The following CNTLN variants were observed in gnomAD, a reference collection of about 807,000 sequenced individuals.
CNTLN encodes the protein centlein, centrosomal protein.
Under a neutral mutation model 180.0 loss-of-function variants are expected in CNTLN, and 212 were observed. The observed-to-expected ratio is 1.18, with a 90% CI of 1.05 to 1.32. CNTLN has a LOEUF of 1.32. Among genes scored for constraint, CNTLN ranks in the 40% most tolerant of loss-of-function variants. CNTLN has a pLI of 0.00. For missense variants in CNTLN, 2,095 were observed against 1,610.9 expected, an observed-to-expected ratio of 1.30 and a Z score of -5.14; for synonymous variants, 722 against 563.1, an observed-to-expected ratio of 1.28 and a Z score of -3.99.
chr9:17,469,008 G>C (rs765592842), intron 23 of CNTLN, among the ~76,000 whole-genome samples: 55 of 151,406 alleles, frequency 3.6e-4, no homozygotes, highest in Non-Finnish European at 1.6e-4. Flanking sequence ...GGCTGTCTTC[G>C]GTACTCTTTC....
intron 12 of CNTLN, among the ~76,000 whole-genome samples, chr9:17,364,719 C>T (rs1823668602): frequency 6.6e-6 from 1 of 152,088 alleles, no homozygotes; most frequent in Non-Finnish European, 1.5e-5. Context: ...TCTGTGGTGG[C>T]TTTTCTCCCA....
chr9:17,283,613 G>A (rs1828797080), intron 6 of CNTLN, among the ~76,000 whole-genome samples: 1 of 152,038 alleles, frequency 6.6e-6, no homozygotes. Flanking sequence ...GACTGCCCTG[G>A]CCAGAACTTC....
chr9:17,258,993 A>G (rs1274142075), intron 5 of CNTLN, among the ~76,000 whole-genome samples: 1 of 150,690 alleles, frequency 6.6e-6, no homozygotes, highest in Non-Finnish European at 1.5e-5. Context: ...TTGCCTGGCC[A>G]GAACTTCCAA....
intron 2 of CNTLN, among the ~76,000 whole-genome samples, chr9:17,161,894 C>T (rs1819706345): frequency 6.6e-6 from 1 of 151,896 alleles, no homozygotes; most frequent in African/African-American, 2.4e-5. Context: ...TTCCTCCAGT[C>T]CTTTTTTTTT....
At chr9:17,497,496 G>T (rs1833524559) in intron 25 of CNTLN, among the ~76,000 whole-genome samples, 1 of 152,118 alleles carries the variant, frequency 6.6e-6, no homozygotes, top group African/African-American at 2.4e-5. Flanking sequence ...CAACCCCAAG[G>T]ACTTTATAAA....
At chr9:17,241,500 G>C (rs1365003374) in intron 5 of CNTLN, among the ~76,000 whole-genome samples, 1 of 152,054 alleles carries the variant, frequency 6.6e-6, no homozygotes, top group East Asian at 1.9e-4. Context: ...GATTCCTCCA[G>C]TTTTGTTCTT....
At chr9:17,515,962 C>T in the CNTLN span, among the ~76,000 whole-genome samples, 2 of 152,142 alleles carry the variant, frequency 1.3e-5, no homozygotes, top group Admixed American at 6.6e-5. Context: ...CACCAGTTCT[C>T]TATCACACTT....
intron 25 of CNTLN, among the ~76,000 whole-genome samples, chr9:17,497,839 A>G (rs755679033): frequency 2.0e-5 from 3 of 152,200 alleles, no homozygotes; most frequent in Admixed American, 2.0e-4. Context: ...TAACTACAAG[A>G]TAACAGAGTG....
In CNTLN at chr9:17,340,771, CATT is replaced by C. The variant is rs113767552; in HGVS notation, c.1645-53_1645-51del. 4,297 of 1,440,874 alleles carry C rather than the reference CATT, an allele frequency of 3.0e-3. 119 individuals are homozygous for C. In the African/African-American group the frequency reaches 0.056, roughly 19 times the overall value. The allele number at this position is 1,440,874 out of a possible 1,614,324, so 89.3% of individuals were successfully genotyped here. ...TAGATGGGTAACCTTTTATTTGAAA[CATT>C]ATATTAATACTTTCTTCAAACTTAT... On this transcript the variant is annotated intron_variant, in intron 10 of 25. Coordinates refer to ENST00000380647, the MANE Select transcript of CNTLN (RefSeq NM_017738.4).
rs1326040258 is a variant in CNTLN at position 17,503,456 on chromosome 9, T to A, written c.*804T>A. 6.6e-6 allele frequency: 1 copy of A among 152,212 alleles called. No individual in the cohort carries two copies. Among genetic ancestry groups the A allele is most frequent in the Non-Finnish European group, 1.5e-5 (1 of 68,054 alleles). The allele number at this position is 152,212 out of a possible 1,614,324, so 9.4% of individuals were successfully genotyped here. A position where few individuals can be genotyped will look rare whatever the true frequency, so the allele number is the denominator to read the frequency against. ...TCTTCACCGTGTTCCTGCCATACCCTTTTTGGTTCCTCTAATTCACCATAC... is the reference window on the plus strand; with the variant it reads ...TCTTCACCGTGTTCCTGCCATACCCATTTTGGTTCCTCTAATTCACCATAC... On this transcript the variant is annotated 3_prime_UTR_variant, in exon 26 of 26. Transcript: ENST00000380647.
At chr9:17,179,537 T>A (rs188101735) in intron 2 of CNTLN, among the ~76,000 whole-genome samples, 3 of 152,352 alleles carry the variant, frequency 2.0e-5, no homozygotes, top group African/African-American at 7.2e-5. Context: ...GAGAATGTAC[T>A]CTGTGATTTA....
At chr9:17,337,430 C>A (rs1240940075) in intron 10 of CNTLN, among the ~76,000 whole-genome samples, 1 of 152,080 alleles carries the variant, frequency 6.6e-6, no homozygotes, top group African/African-American at 2.4e-5. Flanking sequence ...ACTATTTTTT[C>A]TGTAATTAAT....
chr9:17,341,248 T>G (rs536190447), intron 11 of CNTLN, among the ~76,000 whole-genome samples: 222 of 152,288 alleles, frequency 1.5e-3, no homozygotes, highest in African/African-American at 4.2e-3. Context: ...GCAAAAATGG[T>G]TAATATCCGT....
At chr9:17,390,093 C>T (rs1045657454) in intron 14 of CNTLN, among the ~76,000 whole-genome samples, 2 of 152,142 alleles carry the variant, frequency 1.3e-5, no homozygotes, top group African/African-American at 4.8e-5. Flanking sequence ...GACTTCTAGA[C>T]TCCAGGAATG....
chr9:17,213,765 G>A (rs1419348522), intron 2 of CNTLN, among the ~76,000 whole-genome samples: 1 of 152,142 alleles, frequency 6.6e-6, no homozygotes, highest in Non-Finnish European at 1.5e-5. Context: ...ATATATTTAG[G>A]ATAGTTAGCT....
intron 3 of CNTLN, among the ~76,000 whole-genome samples, chr9:17,233,941 G>A (rs1171618271): frequency 1.3e-5 from 2 of 152,058 alleles, no homozygotes; most frequent in African/African-American, 4.8e-5. Flanking sequence ...GGGAATAAGA[G>A]GTACTAGAGG....
At chr9:17,160,375 T>G (rs928301025) in intron 2 of CNTLN, among the ~76,000 whole-genome samples, 4 of 152,184 alleles carry the variant, frequency 2.6e-5, no homozygotes, top group Non-Finnish European at 5.9e-5. Flanking sequence ...CTTATTGGCT[T>G]CTTCTTTTAG....
chr9:17,155,458 C>T (rs1315739748), intron 2 of CNTLN, among the ~76,000 whole-genome samples: 1 of 152,166 alleles, frequency 6.6e-6, no homozygotes, highest in Admixed American at 6.5e-5. Context: ...TATAGAGATG[C>T]CCTTTCCAGA....
Position 17,385,475 on chromosome 9 carries a change from C to G in CNTLN, c.1988-2687C>G, listed in dbSNP as rs73426169. On this transcript the variant is annotated intron_variant, in intron 13 of 25. Coordinates refer to ENST00000380647, the MANE Select transcript of CNTLN (RefSeq NM_017738.4). ...GGAATCATCTTATTAAGCATAAACT[C>G]TGGTATGGTTGAAAGGAGCTTGTTA... 7.8e-3 allele frequency among the ~76,000 whole-genome samples: 1,194 copies of G among 152,202 alleles called. 18 individuals carry two copies. The highest frequency in any genetic ancestry group is 0.027 in the African/African-American group (1,131 of 41,528).
Sources: allele counts gnomAD v4.1 joint callset (sites outside exome capture counted in the v4.1 genomes callset), GRCh38; gene constraint gnomAD v4.1.1; transcripts MANE v1.5; gene names NCBI Gene and HGNC (gene_info 2026-07-23, HGNC 2026-07-21).